WWOX: variants seen among roughly 807,000 people sequenced by gnomAD.
WWOX encodes WW domain-containing oxidoreductase.
A neutral mutation model predicts 46.2 loss-of-function variants in WWOX; 69 were observed. The ratio of observed to expected loss-of-function variants is 1.49; its 90% confidence interval spans 1.23 to 1.82. The LOEUF (loss-of-function observed/expected upper bound fraction) is 1.82, where lower values mean the gene tolerates loss of function less well. WWOX is among the 40% of genes most tolerant of loss of function. The pLI is 0.00. For synonymous variants in WWOX, 359 were observed against 202.6 expected, an observed-to-expected ratio of 1.77 and a Z score of -6.56; for missense variants, 919 against 542.6, an observed-to-expected ratio of 1.69 and a Z score of -6.89.
intron 8 of WWOX, among the ~76,000 whole-genome samples, chr16:78,957,876 G>C (rs1181675413): frequency 6.6e-6 from 1 of 152,128 alleles, no homozygotes; most frequent in Non-Finnish European, 1.5e-5. Flanking sequence ...GGCTGGGCGT[G>C]GGGGGACACA....
intron 8 of WWOX, chr16:78,503,800 T>G (rs1286918293): frequency 1.3e-5 from 2 of 152,234 alleles, no homozygotes; most frequent in East Asian, 3.9e-4. Flanking sequence ...GATTCATATC[T>G]GGAAGAGAAC....
intron 6 of WWOX, among the ~76,000 whole-genome samples, chr16:78,414,938 G>A (rs1032472012): frequency 6.6e-6 from 1 of 152,058 alleles, no homozygotes; most frequent in African/African-American, 2.4e-5. Flanking sequence ...AATTTGGGGT[G>A]AGTCTATAAA....
At chr16:79,108,526 C>A (rs895282203) in intron 8 of WWOX, among the ~76,000 whole-genome samples, 1 of 152,234 alleles carries the variant, frequency 6.6e-6, no homozygotes, top group African/African-American at 2.4e-5. Flanking sequence ...CCTGGATGAA[C>A]CACCATCTGG....
At chr16:78,363,976 A>T (rs2151915523) in intron 5 of WWOX, among the ~76,000 whole-genome samples, 1 of 152,326 alleles carries the variant, frequency 6.6e-6, no homozygotes, top group East Asian at 1.9e-4. Flanking sequence ...CGACTGACCA[A>T]GTGGGCAAGA....
At chr16:78,420,692 T>C (rs763703574) in intron 6 of WWOX, among the ~76,000 whole-genome samples, 6 of 151,042 alleles carry the variant, frequency 4.0e-5, no homozygotes, top group Admixed American at 3.3e-4. Context: ...GCTATAAAAT[T>C]AGAATGTAGT....
At chr16:78,818,089 A>G (rs1481754283) in intron 8 of WWOX, among the ~76,000 whole-genome samples, 1 of 152,140 alleles carries the variant, frequency 6.6e-6, no homozygotes, top group African/African-American at 2.4e-5. Flanking sequence ...GCTAATCCCT[A>G]TTGGGCTAAT....
chr16:78,787,994 C>G (rs760876794), intron 8 of WWOX, among the ~76,000 whole-genome samples: 4 of 152,130 alleles, frequency 2.6e-5, no homozygotes, highest in Admixed American at 6.5e-5. Context: ...ACTGGGTCAT[C>G]TGGCTTTTGT....
chr16:78,779,866 T>G (rs996262328), intron 8 of WWOX, among the ~76,000 whole-genome samples: 15 of 152,144 alleles, frequency 9.9e-5, no homozygotes, highest in African/African-American at 3.1e-4. Context: ...ACTGGGTGGA[T>G]GTAACACTTT....
At chr16:78,840,469 G>C (rs1011830516) in intron 8 of WWOX, among the ~76,000 whole-genome samples, 1 of 152,110 alleles carries the variant, frequency 6.6e-6, no homozygotes, top group Non-Finnish European at 1.5e-5. Flanking sequence ...CGATGGCATG[G>C]CATGATCCCA....
At chr16:78,554,343 A>G (rs74029553) in intron 8 of WWOX, among the ~76,000 whole-genome samples, 6,893 of 152,202 alleles carry the variant, frequency 0.045, 259 homozygotes, top group African/African-American at 0.098. Flanking sequence ...AATTATTTAT[A>G]TCCTACCGCT....
At chr16:78,795,330 A>G (rs1419397808) in intron 8 of WWOX, among the ~76,000 whole-genome samples, 2 of 152,158 alleles carry the variant, frequency 1.3e-5, no homozygotes, top group African/African-American at 4.8e-5. Context: ...CAGGCAGTCC[A>G]ACCCCCTGAA....
intron 6 of WWOX, among the ~76,000 whole-genome samples, chr16:78,403,024 C>G (rs2082449213): frequency 6.6e-6 from 1 of 152,176 alleles, no homozygotes; most frequent in African/African-American, 2.4e-5. Flanking sequence ...TGGAATCTTT[C>G]AGGTCTGAAT....
intron 6 of WWOX, among the ~76,000 whole-genome samples, chr16:78,388,550 G>A (rs966645837): frequency 6.6e-6 from 1 of 150,708 alleles, no homozygotes; most frequent in African/African-American, 2.4e-5. Context: ...GGGAGGCTGA[G>A]GCAGGAAAAT....
chr16:78,178,800 G>T (rs578035220), intron 5 of WWOX, among the ~76,000 whole-genome samples: 1 of 151,120 alleles, frequency 6.6e-6, no homozygotes, highest in Non-Finnish European at 1.5e-5. Context: ...GGAGGCAGAG[G>T]TTGCAGTGAG....
intron 8 of WWOX, among the ~76,000 whole-genome samples, chr16:78,877,279 C>T (rs1386794649): frequency 1.3e-5 from 1 of 77,194 alleles, no homozygotes; most frequent in Non-Finnish European, 3.0e-5. Context: ...CTGCCTGCCT[C>T]CCCCCCTCTG....
At chr16:78,326,343 C>T (rs1192666612) in intron 5 of WWOX, among the ~76,000 whole-genome samples, 2 of 152,110 alleles carry the variant, frequency 1.3e-5, no homozygotes, top group Non-Finnish European at 1.5e-5. Flanking sequence ...TATGATATGC[C>T]AATTTGGCAT....
rs185340112 is a variant in WWOX, at chr16:78,147,718, A to G, written c.410-16465A>G. On this transcript the variant is annotated intron_variant, in intron 4 of 8. Coordinates refer to ENST00000566780, the MANE Select transcript of WWOX (RefSeq NM_016373.4). ...TTTTAAAAAAAAAAAAGGTGCTTGA[A>G]TTAGAAAGGTAGCACATTGTCCACA... Among the ~76,000 whole-genome samples the G allele has an allele frequency of 9.9e-3, 1,263 of 127,734 alleles. 14 individuals are homozygous for G. The highest frequency in any genetic ancestry group is 0.04 in the Middle Eastern group (7 of 174). The allele number at this position is 127,734 out of a possible 152,430, so 83.8% of individuals were successfully genotyped here.
At chr16:78,596,322 C>G (rs1199173296) in intron 8 of WWOX, among the ~76,000 whole-genome samples, 1 of 152,116 alleles carries the variant, frequency 6.6e-6, no homozygotes, top group Non-Finnish European at 1.5e-5. Flanking sequence ...AGGCCTGGGT[C>G]TACAGCAGTT....
chr16:78,716,028 G>C (rs957922103), intron 8 of WWOX, among the ~76,000 whole-genome samples: 1 of 151,584 alleles, frequency 6.6e-6, no homozygotes, highest in Non-Finnish European at 1.5e-5. Context: ...GATGCATTCT[G>C]ATAATCATTA....
Sources: allele counts gnomAD v4.1 joint callset (sites outside exome capture counted in the v4.1 genomes callset), GRCh38; gene constraint gnomAD v4.1.1; transcripts MANE v1.5; gene names NCBI Gene and HGNC (gene_info 2026-07-23, HGNC 2026-07-21).